The following ZNF263 variants were observed in gnomAD, a reference collection of about 807,000 sequenced individuals.
The protein encoded by ZNF263 is zinc finger protein FPM315.
In ZNF263, 49 loss-of-function variants were observed where a neutral mutation model predicts 63.1. The ratio of observed to expected loss-of-function variants is 0.78; its 90% CI spans 0.62 to 0.99. The LOEUF is 0.99. Ranked by LOEUF, ZNF263 falls within the 50% of genes least tolerant of loss-of-function variation. The pLI, the probability that ZNF263 is intolerant of heterozygous loss-of-function variation, is 0.00. For missense variants in ZNF263, 872 were observed against 854.8 expected, an observed-to-expected ratio of 1.02 and a Z score of -0.25; for synonymous variants, 352 against 324.2, an observed-to-expected ratio of 1.09 and a Z score of -0.92.
At chr16:3,295,053 A>G (rs1249831077), downstream of ZNF263, among the ~76,000 whole-genome samples, 1 of 152,002 alleles carries the variant, frequency 6.6e-6, no homozygotes, top group African/African-American at 2.4e-5. Context: ...CACCCGGCGC[A>G]AGTGTGAGTG....
intron 2 of ZNF263, chr16:3,299,597 G>T: frequency 6.4e-7 from 1 of 1,556,404 alleles, no homozygotes; most frequent in South Asian, 1.2e-5. Context: ...CTATACAGCC[G>T]TTTGCAGCTC....
rs189163962 is a variant in ZNF263 at position 3,300,762 on chromosome 16, G to A, written c.*47-151G>A. 9.6e-6 allele frequency: 13 copies of A among 1,358,976 alleles called. No individual in the cohort carries two copies. In the Admixed American group the frequency reaches 1.8e-4, roughly 19 times the overall value. 84.2% of individuals were successfully genotyped at this position (1,358,976 alleles called of 1,614,324 possible). A position where few individuals can be genotyped will look rare whatever the true frequency, so the allele number is the denominator to read the frequency against. On this transcript the variant is annotated intron_variant, in intron 2 of 2. Coordinates refer to the ZNF263 transcript ENST00000574674. The stretch of plus-strand genomic sequence containing the variant: ...TTGTATTGGAGGATAATGGACTGAA[G>A]GGGCTAACCATGACTGAAGAGCTAG...
chr16:3,285,741 T>C lies in ZNF263; in HGVS notation c.629T>C (p.Met210Thr), dbSNP rs1959325187. The change falls in exon 3 of 6, where the codon ATG (methionine) becomes ACG (threonine). Residue 210 changes from methionine to threonine, a missense_variant. Met to Thr is a moderately conservative substitution (Grantham distance 81, BLOSUM62 -1). Transcript: ENST00000219069. ...GAAGGGAACATGGAAGACAAGGAGA[T>C]GACTGGGCCCCAGGTGATGTGGAAG... is the stretch of plus-strand genomic sequence containing the variant. ...PPEGNMEDKE[M>T]TGPQLPESLE... The C allele has an allele frequency of 6.2e-7, 1 of 1,614,144 alleles. No homozygotes were observed. The highest frequency in any genetic ancestry group is 8.5e-7 in the Non-Finnish European group (1 of 1,180,030).
chr16:3,299,432 T>A lies in ZNF263; in HGVS notation c.*46+276T>A, dbSNP rs145207288. The A allele has an allele frequency of 2.2e-3, 3,407 of 1,562,098 alleles. 11 individuals are homozygous for A. The highest frequency in any genetic ancestry group is 3.9e-3 in the Admixed American group (194 of 49,474). Reference sequence around the variant, plus strand: ...AGAAGATTTTCCCATGCATTTGCTATGGTTATTTGTTTTACTTCTTCCCAA... The same window carrying A: ...AGAAGATTTTCCCATGCATTTGCTAAGGTTATTTGTTTTACTTCTTCCCAA... On this transcript the variant is annotated intron_variant, in intron 2 of 2. Transcript: ENST00000574674.
downstream of ZNF263, among the ~76,000 whole-genome samples, chr16:3,296,189 T>C (rs1296590426): frequency 6.6e-6 from 1 of 152,226 alleles, no homozygotes; most frequent in Non-Finnish European, 1.5e-5. Context: ...TATTCAGAGC[T>C]GAATCTCCAA....
rs561710906 is a variant in ZNF263, at chr16:3,290,854, G to A, written c.*296G>A. On this transcript the variant is annotated 3_prime_UTR_variant, in exon 6 of 6. Transcript: ENST00000219069. ...CTTGGTCTTTTTAAAGCCAAGGTGC[G>A]ATTTGGGCACCTGACTGTCCAGTTT... 3.8e-4 allele frequency: 423 copies of A among 1,123,888 alleles called. 4 individuals are homozygous for A. In the South Asian group the frequency reaches 0.01, roughly 28 times the overall value. 69.6% of individuals were successfully genotyped at this position (1,123,888 alleles called of 1,614,324 possible).
intron 2 of ZNF263, chr16:3,299,883 T>G (rs1959884422): frequency 6.2e-7 from 1 of 1,603,972 alleles, no homozygotes; most frequent in Non-Finnish European, 8.5e-7. Flanking sequence ...TCACAGGCAA[T>G]GTACTTGTGT....
intron 4 of ZNF263, chr16:3,286,931 A>G (rs1240957702): frequency 6.6e-6 from 1 of 152,196 alleles, no homozygotes; most frequent in Admixed American, 6.5e-5. Context: ...GAAACACACC[A>G]GTAGAAAGAC....
chr16:3,297,861 T>C (rs1184221046), intron 1 of ZNF263, among the ~76,000 whole-genome samples: 1 of 152,172 alleles, frequency 6.6e-6, no homozygotes, highest in African/African-American at 2.4e-5. Flanking sequence ...AAATATCAAC[T>C]CACCTGACAC....
downstream of ZNF263, among the ~76,000 whole-genome samples, chr16:3,291,725 G>C (rs748088896): frequency 9.2e-5 from 14 of 152,196 alleles, no homozygotes; most frequent in Non-Finnish European, 2.1e-4. Flanking sequence ...CTTTCCTTCT[G>C]TGGTCTATAG....
chr16:3,284,285 A>G, intron 1 of ZNF263, 80 bp downstream of exon 1: 9 of 1,458,448 alleles, frequency 6.2e-6, no homozygotes, highest in Non-Finnish European at 8.2e-6. Context: ...GTCGAATTCA[A>G]GTAAATTGCC....
At chr16:3,288,642 GGTTTTGTTTT>G (rs779143719) in intron 5 of ZNF263, 72 bp downstream of exon 5, 17 of 1,248,246 alleles carry the variant, frequency 1.4e-5, no homozygotes, top group Non-Finnish European at 1.8e-5. Flanking sequence ...GGCATTTTTT[GGTTTTGTTTT>G]GTTTTGTTTT....
At chr16:3,300,231 T>A in intron 2 of ZNF263, 1 of 1,614,174 alleles carries the variant, frequency 6.2e-7, no homozygotes, top group Non-Finnish European at 8.5e-7. Context: ...GATTTCGAAA[T>A]CTAAAAAGCC....
chr16:3,293,681 A>C (rs1274566105), downstream of ZNF263, among the ~76,000 whole-genome samples: 1 of 152,252 alleles, frequency 6.6e-6, no homozygotes, highest in Non-Finnish European at 1.5e-5. Context: ...TGAAACCAGC[A>C]GGGAGGCTGG....
Position 3,300,575 on chromosome 16 carries a change from C to T in ZNF263, c.*47-338C>T, listed in dbSNP as rs1414189355. 5.6e-6 allele frequency: 9 copies of T among 1,601,560 alleles called. No individual in the cohort carries two copies. The highest frequency in any genetic ancestry group is 7.7e-6 in the Non-Finnish European group (9 of 1,174,956). On this transcript the variant is annotated intron_variant, in intron 2 of 2. Coordinates refer to the ZNF263 transcript ENST00000574674. ...ATTCTACTTAGAACCTTCATTTTCT[C>T]CTCCAAATTCAGTGTTGTATATTTC...
chr16:3,298,886 AAAT>A (rs1959845431), intron 1 of ZNF263: 1 of 523,874 alleles, frequency 1.9e-6, no homozygotes, highest in Non-Finnish European at 3.1e-6. Flanking sequence ...CTGATATACA[AAAT>A]AATGTCAGTT....
intron 1 of ZNF263, among the ~76,000 whole-genome samples, chr16:3,298,096 T>G (rs1216821429): frequency 1.3e-5 from 2 of 152,196 alleles, no homozygotes; most frequent in African/African-American, 4.8e-5. Flanking sequence ...CATCCCCTGG[T>G]GGAGTATTAA....
Position 3,290,738 on chromosome 16 carries a change from T to C in ZNF263, c.*180T>C. On this transcript the variant is annotated 3_prime_UTR_variant, in exon 6 of 6. Coordinates refer to ENST00000219069, the MANE Select transcript of ZNF263 (RefSeq NM_005741.5). ...TTGGCATAAAACTGAAAAGGAGTTCTGTCTGCATGAGAAAGGATGGCAAGT... is the reference window on the plus strand; with the variant it reads ...TTGGCATAAAACTGAAAAGGAGTTCCGTCTGCATGAGAAAGGATGGCAAGT... 1 of 1,410,820 alleles carries C rather than the reference T, an allele frequency of 7.1e-7. No individual in the cohort carries two copies. Among genetic ancestry groups the C allele is most frequent in the Non-Finnish European group, 9.2e-7 (1 of 1,087,590 alleles). 87.4% of individuals were successfully genotyped at this position (1,410,820 alleles called of 1,614,324 possible).
chr16:3,289,651 T>C lies in ZNF263; in HGVS notation c.1145T>C (p.Leu382Ser), dbSNP rs768461124. ...CCAAAGAAACTCCATTTATGTCCCTTGTGTGGCAAAAATTTCTCTAACAAC... is the reference window on the plus strand; with the variant it reads ...CCAAAGAAACTCCATTTATGTCCCTCGTGTGGCAAAAATTTCTCTAACAAC... ...LQPKKLHLCP[L>S]CGKNFSNNSN... Residue 382 changes from leucine (L) to serine (S), a missense_variant, in exon 6 of 6, where the codon TTG becomes TCG. Coordinates refer to ENST00000219069, the MANE Select transcript of ZNF263 (RefSeq NM_005741.5). 4.3e-6 allele frequency: 7 copies of C among 1,614,228 alleles called. No individual in the cohort carries two copies. The highest frequency in any genetic ancestry group is 5.9e-6 in the Non-Finnish European group (7 of 1,180,044).
Sources: allele counts gnomAD v4.1 joint callset (sites outside exome capture counted in the v4.1 genomes callset), GRCh38; gene constraint gnomAD v4.1.1; transcripts MANE v1.5; gene names NCBI Gene and HGNC (gene_info 2026-07-23, HGNC 2026-07-21).